The following NLE1 variants were observed in gnomAD, a reference collection of about 807,000 sequenced individuals.
NLE1 encodes the protein notchless homolog 1, also known as notchless protein homolog 1.
NLE1 carries 37 observed loss-of-function variants against 62.8 expected under a neutral mutation model. The ratio of observed to expected loss-of-function variants is 0.59; its 90% CI spans 0.45 to 0.78. The LOEUF (loss-of-function observed/expected upper bound fraction) is 0.78, where lower values mean the gene tolerates loss of function less well. NLE1 is among the 30% of genes least tolerant of loss of function. The pLI, the probability that NLE1 is intolerant of heterozygous loss-of-function variation, is 0.00. For missense variants in NLE1, 555 were observed against 637.9 expected, an observed-to-expected ratio of 0.87 and a Z score of 1.40; for synonymous variants, 243 against 253.0, an observed-to-expected ratio of 0.96 and a Z score of 0.37.
At chr17:35,138,681 T>C (rs2091924682) in intron 4 of NLE1, among the ~76,000 whole-genome samples, 1 of 152,180 alleles carries the variant, frequency 6.6e-6, no homozygotes, top group South Asian at 2.1e-4. Flanking sequence ...TGACCTCAAG[T>C]GATCTGCCTG....
Position 35,142,142 on chromosome 17 carries a change from G to A in NLE1, c.19-20C>T. The A allele has an allele frequency of 6.2e-7, 1 of 1,609,302 alleles. No individual in the cohort carries two copies. The highest frequency in any genetic ancestry group is 1.1e-5 in the South Asian group (1 of 90,864). On this transcript the variant is annotated intron_variant, in intron 1 of 12. Coordinates refer to ENST00000442241, the MANE Select transcript of NLE1 (RefSeq NM_018096.5). ...CTCGTCCTGCGCGAGCAAGTGGGGC[G>A]GGAGTCAGTCTGGTCGCCCGCCCAG... is the stretch of plus-strand genomic sequence containing the variant.
chr17:35,138,479 C>T (rs560492092), intron 4 of NLE1, among the ~76,000 whole-genome samples: 1 of 152,188 alleles, frequency 6.6e-6, no homozygotes, highest in East Asian at 1.9e-4. Context: ...AGTCACACTC[C>T]ATCACCCAGG....
In NLE1 at chr17:35,137,874, G is replaced by T. The variant is rs932610776; in HGVS notation, c.477C>A (p.Val159=). 1 of 1,613,286 alleles carries T rather than the reference G, an allele frequency of 6.2e-7. No homozygotes were observed. The highest frequency in any genetic ancestry group is 1.3e-5 in the African/African-American group (1 of 75,018). The change falls in exon 5 of 13, where the codon GTC becomes GTA. Residue 159 remains valine (V), a synonymous_variant. Coordinates refer to ENST00000442241, the MANE Select transcript of NLE1 (RefSeq NM_018096.5). ...HFTCKGHRHW[V]LSISWSPDGR... ...CATCTGGAGACCAGGATATACTAAG[G>T]ACCCAGTGTCTGTGTCCTAAGAAAG...
At chr17:35,142,235 C>A (rs2091948883) in intron 1 of NLE1, 23 bp downstream of exon 1, 1 of 1,552,822 alleles carries the variant, frequency 6.4e-7, no homozygotes, top group Non-Finnish European at 8.7e-7. Flanking sequence ...CGACGCCCCC[C>A]GCCCCCATCC....
At chr17:35,136,094 G>T in intron 9 of NLE1, 75 bp downstream of exon 9, 1 of 1,449,438 alleles carries the variant, frequency 6.9e-7, no homozygotes, top group South Asian at 1.2e-5. Flanking sequence ...GAAGGGAGAA[G>T]GGTCTGAGAG....
chr17:35,130,066 G>C lies in NLE1; in HGVS notation c.*2371C>G. On this transcript the variant is annotated 3_prime_UTR_variant, in exon 13 of 13. Transcript: ENST00000442241. ...GGGGTATGGGGGTATAGAGGCCTGA[G>C]TACAGACAGCCCTTTGGTTGGAAAT... The C allele has an allele frequency of 7.1e-7, 1 of 1,416,132 alleles. No homozygotes were observed. The highest frequency in any genetic ancestry group is 2.6e-5 in the East Asian group (1 of 38,912). The allele number at this position is 1,416,132 out of a possible 1,614,324, so 87.7% of individuals were successfully genotyped here. A position where few individuals can be genotyped will look rare whatever the true frequency, so the allele number is the denominator to read the frequency against.
In NLE1 at chr17:35,129,611, C is replaced by T. The variant is rs773802193; in HGVS notation, c.*2826G>A. The T allele has an allele frequency of 2.3e-5, 37 of 1,613,990 alleles. No individual in the cohort carries two copies. Among genetic ancestry groups the T allele is most frequent in the Admixed American group, 1.7e-4 (10 of 59,994 alleles). ...TAACACGTGTTACTGCCTCAGTGTC[C>T]GTGCAGCCAACACAGCTGGGGTGGG... On this transcript the variant is annotated 3_prime_UTR_variant, in exon 13 of 13. Coordinates refer to ENST00000442241, the MANE Select transcript of NLE1 (RefSeq NM_018096.5).
Position 35,130,584 on chromosome 17 carries a change from C to T in NLE1, c.*1853G>A. 1 of 828,996 alleles carries T rather than the reference C, an allele frequency of 1.2e-6. No homozygotes were observed. Among genetic ancestry groups the T allele is most frequent in the African/African-American group, 1.7e-5 (1 of 58,222 alleles). 51.4% of individuals were successfully genotyped at this position (828,996 alleles called of 1,614,324 possible). On this transcript the variant is annotated 3_prime_UTR_variant, in exon 13 of 13. Transcript: ENST00000442241. ...GGGCACCCCACCCCTGGGCTGGGGC[C>T]AAGGCTACATAGGGGCCCCATTCAC...
In NLE1 at chr17:35,128,950, C is replaced by T. The variant is rs1320905738; in HGVS notation, c.*3487G>A. The T allele has an allele frequency of 6.1e-6, 1 of 163,348 alleles. No homozygotes were observed. Among genetic ancestry groups the T allele is most frequent in the Non-Finnish European group, 1.3e-5 (1 of 74,758 alleles). The allele number at this position is 163,348 out of a possible 1,614,324, so 10.1% of individuals were successfully genotyped here. A position where few individuals can be genotyped will look rare whatever the true frequency, so the allele number is the denominator to read the frequency against. On this transcript the variant is annotated 3_prime_UTR_variant, in exon 13 of 13. Coordinates refer to ENST00000442241, the MANE Select transcript of NLE1 (RefSeq NM_018096.5). Reference sequence around the variant, plus strand: ...CTCATAAGGAGCATTCAACTTAGATCCCTCCCATACAATTCACAATAGGGT... The same window carrying T: ...CTCATAAGGAGCATTCAACTTAGATTCCTCCCATACAATTCACAATAGGGT...
In NLE1 at chr17:35,137,001, G is replaced by A. The variant is rs139216593; in HGVS notation, c.828C>T (p.Asp276=). ...GTTTCTGAACCCTCCCAGCACTTAC[G>A]TCATGAGCTCTCCAGACTTTGATGG... ...DRTIKVWRAH[D]GVLCRTLQGH... Residue 276 remains aspartate, a splice_region_variant and synonymous_variant, in exon 7 of 13, where the codon GAC becomes GAT. Coordinates refer to ENST00000442241, the MANE Select transcript of NLE1 (RefSeq NM_018096.5). The A allele has an allele frequency of 1.9e-4, 306 of 1,595,554 alleles. 1 individual carries two copies. The East Asian group carries it at 3.9e-3, about 20-fold the overall frequency.
intron 10 of NLE1, chr17:35,134,880 C>G: frequency 2.7e-6 from 1 of 368,154 alleles, no homozygotes; most frequent in Non-Finnish European, 5.3e-6. Flanking sequence ...GGTGAAACCC[C>G]GTCTCAACTA....
At position 35,136,502 on chromosome 17, in the gene NLE1, G is replaced by C; in HGVS notation, c.829-5C>G. On this transcript the variant is annotated splice_region_variant and splice_polypyrimidine_tract_variant and intron_variant, in intron 7 of 12. Coordinates refer to ENST00000442241, the MANE Select transcript of NLE1 (RefSeq NM_018096.5). ...CAGAGTCCGGCACAGCACACCCTAC[G>C]GGAGAGCGAGTCAGGTCAGACACAC... 1.2e-6 allele frequency: 2 copies of C among 1,608,564 alleles called. No individual in the cohort carries two copies. Among genetic ancestry groups the C allele is most frequent in the Non-Finnish European group, 1.7e-6 (2 of 1,175,930 alleles).
At position 35,129,359 on chromosome 17, in the gene NLE1, G is replaced by A; in HGVS notation, c.*3078C>T. On this transcript the variant is annotated 3_prime_UTR_variant, in exon 13 of 13. Coordinates refer to ENST00000442241, the MANE Select transcript of NLE1 (RefSeq NM_018096.5). Reference sequence around the variant, plus strand: ...TGGGACGTCCTGACCCCAGTTGGGAGGGTGAAGGGACAGGAAGGACAGGAC... The same window carrying A: ...TGGGACGTCCTGACCCCAGTTGGGAAGGTGAAGGGACAGGAAGGACAGGAC... The A allele has an allele frequency of 6.4e-7, 1 of 1,573,630 alleles. No homozygotes were observed. Among genetic ancestry groups the A allele is most frequent in the South Asian group, 1.2e-5 (1 of 84,284 alleles).
intron 6 of NLE1, among the ~76,000 whole-genome samples, 170 bp downstream of exon 6, chr17:35,137,373 A>G (rs1438219442): frequency 6.6e-6 from 1 of 152,170 alleles, no homozygotes; most frequent in Non-Finnish European, 1.5e-5. Context: ...GCCTCTCCCA[A>G]GCAGCAATGC....
At chr17:35,138,045 G>A (rs907754094) in intron 4 of NLE1, among the ~76,000 whole-genome samples, 155 bp from the exon 5 acceptor site, 6 of 152,178 alleles carry the variant, frequency 3.9e-5, no homozygotes, top group African/African-American at 1.4e-4. Context: ...TGGATAGAAT[G>A]CACCCCAAGT....
chr17:35,133,045 C>A (rs2091886532), intron 12 of NLE1, 126 bp downstream of exon 12: 2 of 926,248 alleles, frequency 2.2e-6, no homozygotes, highest in Non-Finnish European at 3.4e-6. Flanking sequence ...CTCCACACGC[C>A]TCCTCAAGAC....
Position 35,141,910 on chromosome 17 carries a change from G to A in NLE1, c.162+69C>T, listed in dbSNP as rs574344010. 7.6e-5 allele frequency: 113 copies of A among 1,492,702 alleles called. 1 individual carries two copies. The East Asian group carries it at 1.9e-3, about 25-fold the overall frequency. The allele number at this position is 1,492,702 out of a possible 1,614,324, so 92.5% of individuals were successfully genotyped here. ...GGGGGACCATGAACCGCAGACCCTCGGTAATATGATTCCCCCACCGCATCC... is the reference window on the plus strand; with the variant it reads ...GGGGGACCATGAACCGCAGACCCTCAGTAATATGATTCCCCCACCGCATCC... On this transcript the variant is annotated intron_variant, in intron 2 of 12. Transcript: ENST00000442241.
rs778617059 is a variant in NLE1, at chr17:35,129,504, ATG to A, written c.*2931_*2932del. ...CAGGAGGTGGCCAAGACACAGGAGA[ATG>A]AGTTGCCCGAGGCAAAGAATCGTCC... On this transcript the variant is annotated 3_prime_UTR_variant, in exon 13 of 13. Coordinates refer to ENST00000442241, the MANE Select transcript of NLE1 (RefSeq NM_018096.5). The A allele has an allele frequency of 1.3e-5, 21 of 1,614,080 alleles. No individual in the cohort carries two copies. Among genetic ancestry groups the A allele is most frequent in the Non-Finnish European group, 1.7e-5 (20 of 1,180,030 alleles).
rs2091916461 is a variant in NLE1, at chr17:35,137,525, TC to T, written c.635+17del. Reference sequence around the variant, plus strand: ...GATCCCCTGGCTCATTTGTCCCAGCTCCGTCAGTGTCACTTACGCATGGAGG... The same window carrying T: ...GATCCCCTGGCTCATTTGTCCCAGCTCGTCAGTGTCACTTACGCATGGAGG... On this transcript the variant is annotated intron_variant, in intron 6 of 12. Coordinates refer to ENST00000442241, the MANE Select transcript of NLE1 (RefSeq NM_018096.5). 6.3e-7 allele frequency: 1 copy of T among 1,595,708 alleles called. No homozygotes were observed. Among genetic ancestry groups the T allele is most frequent in the African/African-American group, 1.3e-5 (1 of 74,884 alleles).
Sources: allele counts gnomAD v4.1 joint callset (sites outside exome capture counted in the v4.1 genomes callset), GRCh38; gene constraint gnomAD v4.1.1; transcripts MANE v1.5; gene names NCBI Gene and HGNC (gene_info 2026-07-23, HGNC 2026-07-21).